The following DOCK3 variants were observed in gnomAD, a reference collection of about 807,000 sequenced individuals.
DOCK3 encodes the protein dedicator of cytokinesis protein 3.
A neutral mutation model predicts 265.6 loss-of-function variants in DOCK3; 60 were observed. The ratio of observed to expected loss-of-function variants is 0.23; its 90% confidence interval spans 0.18 to 0.28. The LOEUF is 0.28. Among genes scored for constraint, DOCK3 ranks in the 10% least tolerant of loss-of-function variants. The probability of loss-of-function intolerance (pLI) is 1.00; values close to 1 mark genes in which losing one functional copy is unlikely to be tolerated. For missense variants in DOCK3, 1,981 were observed against 2,594.3 expected (o/e 0.76, Z 5.14); for synonymous variants, 881 against 938.0 (o/e 0.94, Z 1.11).
intron 1 of DOCK3, among the ~76,000 whole-genome samples, chr3:50,771,768 G>A (rs536957023): frequency 2.1e-4 from 32 of 152,174 alleles, no homozygotes; most frequent in East Asian, 3.9e-4. Flanking sequence ...GGAGAATGGC[G>A]TGAACCCGGG....
At chr3:51,299,263 G>GGT (rs2082255792) in intron 27 of DOCK3, among the ~76,000 whole-genome samples, 1 of 150,242 alleles carries the variant, frequency 6.7e-6, no homozygotes, top group Admixed American at 6.6e-5. Context: ...CTTTTTAATG[G>GGT]GTTTTTTTTT....
chr3:51,134,115 C>CT (rs1392178676), intron 9 of DOCK3, among the ~76,000 whole-genome samples: 1 of 152,106 alleles, frequency 6.6e-6, no homozygotes, highest in Non-Finnish European at 1.5e-5. Context: ...GGATCTTGTT[C>CT]TTTTTTATGG....
chr3:51,130,677 C>T (rs995939690), intron 9 of DOCK3, among the ~76,000 whole-genome samples: 1 of 152,154 alleles, frequency 6.6e-6, no homozygotes, highest in East Asian at 1.9e-4. Flanking sequence ...TGCAATCCCT[C>T]CAAGGATGCA....
At chr3:51,306,057 G>A (rs2082675551) in intron 27 of DOCK3, among the ~76,000 whole-genome samples, 1 of 149,978 alleles carries the variant, frequency 6.7e-6, no homozygotes, top group Non-Finnish European at 1.5e-5. Flanking sequence ...GTAGAGATGG[G>A]GTCTCGCTAT....
chr3:50,835,375 TAA>T (rs1327913243), intron 2 of DOCK3, among the ~76,000 whole-genome samples: 1 of 152,244 alleles, frequency 6.6e-6, no homozygotes, highest in Non-Finnish European at 1.5e-5. Flanking sequence ...ATATTTGATA[TAA>T]GTGCTTATTA....
chr3:51,348,118 A>G (rs182112674), intron 38 of DOCK3, among the ~76,000 whole-genome samples: 16 of 152,060 alleles, frequency 1.1e-4, no homozygotes, highest in Middle Eastern at 3.4e-3. Context: ...AGAGGTATAT[A>G]TTTTTTTTAA....
At chr3:51,159,359 T>A in intron 11 of DOCK3, 55 bp downstream of exon 11, 1 of 1,533,192 alleles carries the variant, frequency 6.5e-7, no homozygotes, top group South Asian at 1.1e-5. Flanking sequence ...TTGGGATAAG[T>A]ATGTCTTGTG....
intron 1 of DOCK3, among the ~76,000 whole-genome samples, chr3:50,708,046 C>T (rs1262495484): frequency 6.7e-6 from 1 of 149,798 alleles, no homozygotes; most frequent in Non-Finnish European, 1.5e-5. Flanking sequence ...GCAGAGTGGC[C>T]GATCCACACA....
chr3:51,317,581 A>AAATAAT (rs35402276), intron 32 of DOCK3, among the ~76,000 whole-genome samples: 11,744 of 138,952 alleles, frequency 0.085, 564 homozygotes, highest in South Asian at 0.23. Context: ...CTCCATCACA[A>AAATAAT]AATAATAATA....
intron 11 of DOCK3, among the ~76,000 whole-genome samples, chr3:51,159,563 C>G (rs2086031432): frequency 6.6e-6 from 1 of 152,112 alleles, no homozygotes; most frequent in African/African-American, 2.4e-5. Flanking sequence ...TAGACCCAAA[C>G]TTTTTATTTA....
chr3:51,050,110 G>A (rs991423203), intron 5 of DOCK3, among the ~76,000 whole-genome samples: 6 of 152,122 alleles, frequency 3.9e-5, no homozygotes, highest in Admixed American at 2.0e-4. Flanking sequence ...TTAGCTGGGC[G>A]TGGTAGCTTA....
chr3:50,931,260 A>G (rs2108140625), intron 4 of DOCK3, among the ~76,000 whole-genome samples: 1 of 152,292 alleles, frequency 6.6e-6, no homozygotes, highest in South Asian at 2.1e-4. Flanking sequence ...TTTCAGACCC[A>G]AGCCTCTTCT....
At chr3:51,109,467 A>C (rs2083426067) in intron 9 of DOCK3, among the ~76,000 whole-genome samples, 1 of 152,214 alleles carries the variant, frequency 6.6e-6, no homozygotes, top group East Asian at 1.9e-4. Context: ...GAACTAGAAA[A>C]GCAAGAGCAA....
At chr3:50,843,129 T>A (rs1456155033) in intron 3 of DOCK3, among the ~76,000 whole-genome samples, 1 of 152,236 alleles carries the variant, frequency 6.6e-6, no homozygotes, top group Non-Finnish European at 1.5e-5. Context: ...TTTGATTATA[T>A]CTTCCTACAC....
chr3:51,175,178 C>A (rs2086875789), intron 12 of DOCK3, among the ~76,000 whole-genome samples: 1 of 152,170 alleles, frequency 6.6e-6, no homozygotes, highest in African/African-American at 2.4e-5. Context: ...CCTCCAGTGG[C>A]ACAGATAGGT....
chr3:51,223,972 C>T lies in DOCK3; in HGVS notation c.1253-1677C>T, dbSNP rs761039010. Among the ~76,000 whole-genome samples, 9 of 152,292 alleles carry T rather than the reference C, an allele frequency of 5.9e-5. No homozygotes were observed. The South Asian group carries it at 8.3e-4, about 14-fold the overall frequency. ...CCCAAGCAGCAATGTCCAAAGGAAG[C>T]GGATTAAGATTCCAGACTCATCAGA... On this transcript the variant is annotated intron_variant, in intron 14 of 52. Coordinates refer to ENST00000266037, the MANE Select transcript of DOCK3 (RefSeq NM_004947.5).
chr3:51,084,149 C>A (rs1221340809), intron 7 of DOCK3, among the ~76,000 whole-genome samples: 1 of 151,856 alleles, frequency 6.6e-6, no homozygotes, highest in East Asian at 1.9e-4. Flanking sequence ...AAGGCATGGG[C>A]AAAGATATAG....
At chr3:50,690,659 T>C (rs1194422438) in intron 1 of DOCK3, among the ~76,000 whole-genome samples, 1 of 151,984 alleles carries the variant, frequency 6.6e-6, no homozygotes, top group Non-Finnish European at 1.5e-5. Context: ...ATTCATTATT[T>C]TGAGACAGAA....
chr3:51,066,401 T>C (rs917694485), intron 6 of DOCK3, among the ~76,000 whole-genome samples: 1 of 152,216 alleles, frequency 6.6e-6, no homozygotes, highest in Non-Finnish European at 1.5e-5. Context: ...TTAAGGGTTT[T>C]AGACAGAAAA....
Sources: gnomAD v4.1 joint callset for allele counts (sites outside exome capture counted in the v4.1 genomes callset) on GRCh38, gnomAD v4.1.1 for gene constraint, MANE v1.5 for transcripts, NCBI Gene and HGNC (gene_info 2026-07-23, HGNC 2026-07-21) for gene names.